The following GABRG2 variants were observed in gnomAD, a reference collection of about 807,000 sequenced individuals.
GABRG2 encodes gamma-aminobutyric acid type A receptor subunit gamma2.
Under a neutral mutation model 56.4 loss-of-function variants are expected in GABRG2, and 16 were observed. That is an observed-to-expected ratio of 0.28 (90% confidence interval 0.19 to 0.43). The LOEUF is 0.43. GABRG2 is among the 20% of genes least tolerant of loss of function. The pLI, the probability that GABRG2 is intolerant of heterozygous loss-of-function variation, is 1.00. For synonymous variants in GABRG2, 208 were observed against 205.5 expected, an observed-to-expected ratio of 1.01 and a Z score of -0.10; for missense variants, 327 against 582.7, an observed-to-expected ratio of 0.56 and a Z score of 4.52.
intron 6 of GABRG2, among the ~76,000 whole-genome samples, chr5:162,110,805 C>A (rs764137653): frequency 1.3e-5 from 2 of 151,980 alleles, no homozygotes. Flanking sequence ...CTTGAAGCAG[C>A]GTAATATCTT....
chr5:162,068,844 C>A (rs1253309595), intron 1 of GABRG2, among the ~76,000 whole-genome samples: 1 of 152,096 alleles, frequency 6.6e-6, no homozygotes, highest in Non-Finnish European at 1.5e-5. Context: ...TACCTCTACT[C>A]CCTCCTTGAT....
At chr5:162,079,760 T>C (rs1463814995) in intron 1 of GABRG2, among the ~76,000 whole-genome samples, 1 of 152,056 alleles carries the variant, frequency 6.6e-6, no homozygotes, top group Non-Finnish European at 1.5e-5. Context: ...TATCTTATAC[T>C]CAAACATTAT....
chr5:162,114,736 T>A (rs954315223), intron 6 of GABRG2, among the ~76,000 whole-genome samples: 2 of 152,196 alleles, frequency 1.3e-5, no homozygotes, highest in Non-Finnish European at 2.9e-5. Context: ...TGGGCTTATG[T>A]ATCATAAATA....
intron 6 of GABRG2, among the ~76,000 whole-genome samples, chr5:162,125,669 T>G (rs1330207244): frequency 2.6e-5 from 4 of 151,400 alleles, no homozygotes; most frequent in Non-Finnish European, 5.9e-5. Context: ...AGAAGAAAAT[T>G]TTGGTTTAAT....
At chr5:162,095,671 C>T (rs553028170) in intron 3 of GABRG2, 109 bp downstream of exon 3, 1 of 743,132 alleles carries the variant, frequency 1.3e-6, no homozygotes, top group Non-Finnish European at 2.4e-6. Context: ...AAGTTTAAAA[C>T]TTTAGAAGTG....
intron 1 of GABRG2, among the ~76,000 whole-genome samples, chr5:162,070,044 T>C (rs11742028): frequency 0.15 from 22,512 of 152,114 alleles, 2,161 homozygotes; most frequent in East Asian, 0.23. Flanking sequence ...AACCTAAACA[T>C]GTTTAACTTT....
At chr5:162,147,224 CTCTTTCTTTCT>C (rs1765020621) in intron 7 of GABRG2, among the ~76,000 whole-genome samples, 1 of 151,304 alleles carries the variant, frequency 6.6e-6, no homozygotes, top group Non-Finnish European at 1.5e-5. Context: ...TTCTTTCTTT[CTCTTTCTTTCT>C]TCTTTCTTTC....
intron 2 of GABRG2, among the ~76,000 whole-genome samples, chr5:162,095,057 T>C (rs1760894916): frequency 6.6e-6 from 1 of 152,172 alleles, no homozygotes; most frequent in African/African-American, 2.4e-5. Flanking sequence ...TTGCTGTTTA[T>C]GTCCACTTCA....
chr5:162,096,062 CAACAT>C (rs1316141901), intron 3 of GABRG2, among the ~76,000 whole-genome samples: 2 of 151,706 alleles, frequency 1.3e-5, no homozygotes, highest in East Asian at 3.9e-4. Flanking sequence ...GAATGGAGTA[CAACAT>C]AACATAAGGT....
intron 1 of GABRG2, among the ~76,000 whole-genome samples, chr5:162,093,168 C>G (rs1025091041): frequency 1.3e-5 from 2 of 152,038 alleles, no homozygotes; most frequent in African/African-American, 4.8e-5. Context: ...ATTGCATTTG[C>G]CATGATAAAG....
intron 7 of GABRG2, among the ~76,000 whole-genome samples, chr5:162,146,696 G>A (rs1172252530): frequency 2.6e-5 from 4 of 152,130 alleles, no homozygotes; most frequent in African/African-American, 7.2e-5. Flanking sequence ...TTCATAGAGT[G>A]TATAGATTAG....
chr5:162,126,303 G>A (rs1197214560), intron 6 of GABRG2, among the ~76,000 whole-genome samples: 4 of 151,936 alleles, frequency 2.6e-5, no homozygotes, highest in African/African-American at 9.7e-5. Flanking sequence ...GATGAGGAAA[G>A]GCATTCTAGA....
chr5:162,115,547 A>G (rs1762556562), intron 6 of GABRG2, among the ~76,000 whole-genome samples: 1 of 152,152 alleles, frequency 6.6e-6, no homozygotes, highest in South Asian at 2.1e-4. Flanking sequence ...GCATGGAAAC[A>G]TAGACCTGCC....
At chr5:162,091,298 A>G (rs1412377368) in intron 1 of GABRG2, among the ~76,000 whole-genome samples, 1 of 151,826 alleles carries the variant, frequency 6.6e-6, no homozygotes, top group Non-Finnish European at 1.5e-5. Flanking sequence ...AATATTTATA[A>G]TAATATTTGT....
At chr5:162,139,436 T>A (rs1764385248) in intron 6 of GABRG2, among the ~76,000 whole-genome samples, 2 of 152,240 alleles carry the variant, frequency 1.3e-5, no homozygotes, top group Admixed American at 1.3e-4. Flanking sequence ...GCTGCTTTGC[T>A]TTTAATGGCT....
rs546879939 is a variant in GABRG2, at chr5:162,098,088, G to T, written c.548+230G>T. 235 of 549,092 alleles carry T rather than the reference G, an allele frequency of 4.3e-4. 2 individuals are homozygous for T. The South Asian group carries it at 5.1e-3, about 12-fold the overall frequency. The allele number at this position is 549,092 out of a possible 1,614,324, so 34.0% of individuals were successfully genotyped here. ...TAGGCAAAGCTTATTTTCCACAACT[G>T]CTGTGAAAACTATTTTTTGTCACAA... On this transcript the variant is annotated intron_variant, in intron 4 of 9. Coordinates refer to ENST00000639213, the MANE Select transcript of GABRG2 (RefSeq NM_198904.4).
intron 7 of GABRG2, among the ~76,000 whole-genome samples, chr5:162,147,457 C>T (rs549239894): frequency 9.2e-5 from 14 of 152,018 alleles, no homozygotes; most frequent in Non-Finnish European, 2.1e-4. Flanking sequence ...CCCCGCCTCC[C>T]GTGTTCAAGT....
At chr5:162,085,015 G>A (rs116738536) in intron 1 of GABRG2, among the ~76,000 whole-genome samples, 4,619 of 151,918 alleles carry the variant, frequency 0.03, 111 homozygotes, top group Middle Eastern at 0.044. Context: ...TCAGGTTACT[G>A]CCTTTAAAAC....
intron 1 of GABRG2, among the ~76,000 whole-genome samples, chr5:162,087,362 A>G (rs1467147288): frequency 1.4e-4 from 22 of 152,060 alleles, no homozygotes; most frequent in African/African-American, 3.6e-4. Flanking sequence ...TTAAATATTT[A>G]TCATTTTCTC....
Sources: gnomAD v4.1 joint callset for allele counts (sites outside exome capture counted in the v4.1 genomes callset) on GRCh38, gnomAD v4.1.1 for gene constraint, MANE v1.5 for transcripts, NCBI Gene and HGNC (gene_info 2026-07-23, HGNC 2026-07-21) for gene names.